Variants in FAT3 observed in about 807,000 individuals in gnomAD.
FAT3 encodes the protein protocadherin Fat 3.
Under a neutral mutation model 310.2 loss-of-function variants are expected in FAT3, and 95 were observed. That is an observed-to-expected ratio of 0.31 (90% CI 0.26 to 0.36). FAT3 has a LOEUF of 0.36. FAT3 is among the 10% of genes least tolerant of loss of function. The pLI, the probability that FAT3 is intolerant of heterozygous loss-of-function variation, is 1.00. For synonymous variants in FAT3, 2,314 were observed against 2,192.9 expected, an observed-to-expected ratio of 1.06 and a Z score of -1.54; for missense variants, 5,408 against 5,715.6, an observed-to-expected ratio of 0.95 and a Z score of 1.74.
chr11:92,520,829 A>G (rs1009395228), intron 2 of FAT3, among the ~76,000 whole-genome samples: 1 of 152,154 alleles, frequency 6.6e-6, no homozygotes, highest in African/African-American at 2.4e-5. Context: ...TTGTGTTCCA[A>G]GATACTCATT....
intron 22 of FAT3, among the ~76,000 whole-genome samples, chr11:92,870,371 C>G (rs888784219): frequency 1.3e-5 from 2 of 152,026 alleles, no homozygotes. Context: ...CCATAGGAAC[C>G]TCAGGGGAGT....
At chr11:92,745,251 C>T (rs1465217967) in intron 4 of FAT3, among the ~76,000 whole-genome samples, 1 of 152,254 alleles carries the variant, frequency 6.6e-6, no homozygotes, top group African/African-American at 2.4e-5. Context: ...AATAGTATAT[C>T]GACTAAGGCC....
intron 1 of FAT3, among the ~76,000 whole-genome samples, chr11:92,291,392 T>C (rs1002439726): frequency 6.6e-6 from 1 of 152,074 alleles, no homozygotes; most frequent in Non-Finnish European, 1.5e-5. Flanking sequence ...GAAGACAGGG[T>C]AAGAATGTTA....
intron 3 of FAT3, among the ~76,000 whole-genome samples, chr11:92,647,220 C>G (rs1014408988): frequency 1.2e-4 from 18 of 151,982 alleles, no homozygotes; most frequent in Admixed American, 1.1e-3. Flanking sequence ...AAACTTTCCA[C>G]AAACTCAGTT....
At chr11:92,815,803 G>A (rs552250754) in intron 13 of FAT3, among the ~76,000 whole-genome samples, 1 of 152,248 alleles carries the variant, frequency 6.6e-6, no homozygotes, top group Admixed American at 6.5e-5. Context: ...GGACACATTG[G>A]GAATTCAAGT....
Position 92,453,811 on chromosome 11 carries a change from C to T in FAT3, c.3293-70823C>T, listed in dbSNP as rs572380261. ...CAAATAAATGTTCATATAAGAAAAACGCAGTGTTGTACAACCATATGTGAC... is the reference window on the plus strand; with the variant it reads ...CAAATAAATGTTCATATAAGAAAAATGCAGTGTTGTACAACCATATGTGAC... On this transcript the variant is annotated intron_variant, in intron 2 of 27. Transcript: ENST00000525166. Among the ~76,000 whole-genome samples the T allele has an allele frequency of 2.6e-5, 4 of 152,136 alleles. No individual in the cohort carries two copies. In the South Asian group the frequency reaches 6.2e-4, roughly 24 times the overall value.
At chr11:92,416,277 G>A (rs1422819572) in intron 2 of FAT3, among the ~76,000 whole-genome samples, 23 of 150,674 alleles carry the variant, frequency 1.5e-4, no homozygotes, top group South Asian at 6.3e-4. Context: ...CCAGCTACTC[G>A]GGAGGCTGAG....
At chr11:92,447,916 AGAAGGCAGGAT>A in intron 2 of FAT3, among the ~76,000 whole-genome samples, 1 of 152,162 alleles carries the variant, frequency 6.6e-6, no homozygotes, top group African/African-American at 2.4e-5. Flanking sequence ...CACAGTGACA[AGAAGGCAGGAT>A]CCAGAATTAG....
chr11:92,502,218 G>A (rs991819512), intron 2 of FAT3, among the ~76,000 whole-genome samples: 1 of 152,000 alleles, frequency 6.6e-6, no homozygotes, highest in Non-Finnish European at 1.5e-5. Context: ...TGGTCTAAGA[G>A]TTCATTTAAA....
intron 1 of FAT3, among the ~76,000 whole-genome samples, chr11:92,260,556 CTG>C (rs1865506855): frequency 1.3e-5 from 2 of 152,062 alleles, no homozygotes; most frequent in Admixed American, 1.3e-4. Context: ...TGTTAAGGCT[CTG>C]TGGGTAAATG....
intron 13 of FAT3, among the ~76,000 whole-genome samples, chr11:92,824,776 C>T (rs761875011): frequency 3.3e-5 from 5 of 151,742 alleles, no homozygotes; most frequent in Admixed American, 6.6e-5. Flanking sequence ...ATCCCTTCTG[C>T]CTTTTTTTTT....
intron 4 of FAT3, among the ~76,000 whole-genome samples, chr11:92,709,918 A>G (rs1002036279): frequency 6.6e-6 from 1 of 152,162 alleles, no homozygotes; most frequent in Admixed American, 6.5e-5. Context: ...TAAATACATA[A>G]TTCAGAAGAA....
intron 19 of FAT3, among the ~76,000 whole-genome samples, chr11:92,851,478 A>G (rs1948827502): frequency 6.6e-6 from 1 of 152,232 alleles, no homozygotes; most frequent in African/African-American, 2.4e-5. Context: ...AATTAAAAAA[A>G]TTAGCCAGGG....
intron 1 of FAT3, among the ~76,000 whole-genome samples, chr11:92,351,170 C>A (rs187234860): frequency 1.4e-3 from 219 of 152,216 alleles, no homozygotes; most frequent in African/African-American, 4.9e-3. Context: ...CTCCCTTGTT[C>A]TGAATAGTTC....
At chr11:92,840,189 C>A (rs1948501538) in intron 17 of FAT3, among the ~76,000 whole-genome samples, 1 of 152,140 alleles carries the variant, frequency 6.6e-6, no homozygotes, top group South Asian at 2.1e-4. Flanking sequence ...GAAGTGCCTC[C>A]CCATCCCAGT....
chr11:92,669,061 TC>T (rs958880582), intron 3 of FAT3, among the ~76,000 whole-genome samples: 1 of 152,196 alleles, frequency 6.6e-6, no homozygotes, highest in Non-Finnish European at 1.5e-5. Context: ...CTGTGAAGCA[TC>T]CCTGGTTTTC....
At chr11:92,789,909 A>G in intron 7 of FAT3, 34 bp from the exon 8 acceptor site, 1 of 1,606,612 alleles carries the variant, frequency 6.2e-7, no homozygotes, top group South Asian at 1.1e-5. Context: ...GCAAATTGGC[A>G]TTAGTCATCA....
intron 1 of FAT3, among the ~76,000 whole-genome samples, chr11:92,309,384 GCACACACACACACACACACA>G (rs59596533): frequency 1.4e-5 from 2 of 145,002 alleles, no homozygotes; most frequent in African/African-American, 5.1e-5. Context: ...ACACACGCAT[GCACACACACACACACACACA>G]CACACACACA....
At chr11:92,650,712 C>T (rs906311530) in intron 3 of FAT3, among the ~76,000 whole-genome samples, 2 of 152,094 alleles carry the variant, frequency 1.3e-5, no homozygotes, top group African/African-American at 2.4e-5. Flanking sequence ...TGCCAGACAC[C>T]GTCATCCCTA....
Sources: gnomAD v4.1 joint callset for allele counts (sites outside exome capture counted in the v4.1 genomes callset) on GRCh38, gnomAD v4.1.1 for gene constraint, MANE v1.5 for transcripts, NCBI Gene and HGNC (gene_info 2026-07-23, HGNC 2026-07-21) for gene names.